The following DAZAP1 variants were observed in gnomAD, a reference collection of about 807,000 sequenced individuals.
DAZAP1 encodes the protein DAZ-associated protein 1.
Under a neutral mutation model 60.1 loss-of-function variants are expected in DAZAP1, and 6 were observed. The ratio of observed to expected loss-of-function variants is 0.10; its 90% CI spans 0.05 to 0.20. DAZAP1 has a LOEUF of 0.20. Ranked by LOEUF, DAZAP1 falls within the 10% of genes least tolerant of loss-of-function variation. DAZAP1 has a pLI of 1.00. For synonymous variants in DAZAP1, 235 were observed against 215.9 expected (o/e 1.09, Z -0.78); for missense variants, 366 against 560.4 (o/e 0.65, Z 3.50).
In DAZAP1 at chr19:1,418,524, A is replaced by G. The variant is rs2083053891; in HGVS notation, c.238-142A>G. The G allele has an allele frequency of 7.0e-7, 1 of 1,422,664 alleles. No individual in the cohort carries two copies. Among genetic ancestry groups the G allele is most frequent in the Non-Finnish European group, 9.9e-7 (1 of 1,013,922 alleles). The allele number at this position is 1,422,664 out of a possible 1,614,324, so 88.1% of individuals were successfully genotyped here. On this transcript the variant is annotated intron_variant, in intron 3 of 11. Transcript: ENST00000233078. This position sits in a 1 kb window ranked among gnomAD's most constrained non-coding sequence, Gnocchi z 5.7. The stretch of plus-strand genomic sequence containing the variant: ...TTAAGCCTTGGTGCTGAGGCTGGAT[A>G]TTGCAGGAGGATACAGGGTGAATGG...
intron 2 of DAZAP1, among the ~76,000 whole-genome samples, chr19:1,417,846 C>T (rs1320175136): frequency 6.6e-6 from 1 of 152,186 alleles, no homozygotes; most frequent in East Asian, 1.9e-4. Flanking sequence ...CAGGCTGTTA[C>T]TGAGTTCAGA....
rs1358195038 is a variant in DAZAP1, at chr19:1,426,052, A to G, written c.546+92A>G. 1.2e-5 allele frequency: 12 copies of G among 986,544 alleles called. No homozygotes were observed. The highest frequency in any genetic ancestry group is 1.7e-5 in the Admixed American group (1 of 58,820). 61.1% of individuals were successfully genotyped at this position (986,544 alleles called of 1,614,324 possible). ...TGGAAAGGAACATTCCTTCACGGAA[A>G]GGGTCGGGCGAGTTCGTCCTGTGAA... is the stretch of plus-strand genomic sequence containing the variant. On this transcript the variant is annotated intron_variant, in intron 7 of 11. Coordinates refer to ENST00000233078, the MANE Select transcript of DAZAP1 (RefSeq NM_018959.4). This position sits in a 1 kb window ranked among gnomAD's most constrained non-coding sequence, Gnocchi z 5.4.
In DAZAP1 at chr19:1,433,809, G is replaced by C; in HGVS notation, c.1049-928G>C. The C allele has an allele frequency of 6.2e-7, 1 of 1,613,966 alleles. No individual in the cohort carries two copies. The highest frequency in any genetic ancestry group is 8.5e-7 in the Non-Finnish European group (1 of 1,179,872). Reference sequence around the variant, plus strand: ...TTGTTTACAGTCTTATGGTCAGGCTGAGCAGTGATGTGGCCTAGGTAGGTG... The same window carrying C: ...TTGTTTACAGTCTTATGGTCAGGCTCAGCAGTGATGTGGCCTAGGTAGGTG... On this transcript the variant is annotated intron_variant, in intron 11 of 11. Coordinates refer to ENST00000233078, the MANE Select transcript of DAZAP1 (RefSeq NM_018959.4). This position sits in a 1 kb window ranked among gnomAD's most constrained non-coding sequence, Gnocchi z 6.1.
Position 1,407,654 on chromosome 19 carries a change from C to CCGT in DAZAP1, c.-118_-117insTCG, listed in dbSNP as rs1355574017. On this transcript the variant is annotated 5_prime_UTR_variant, in exon 1 of 12. Coordinates refer to ENST00000233078, the MANE Select transcript of DAZAP1 (RefSeq NM_018959.4). ...GCCGCCGCCGCCGCCGCCGCCGCCGCCGCCGCCGTTGCGCAGATCCGGGCC... is the reference window on the plus strand; with the variant it reads ...GCCGCCGCCGCCGCCGCCGCCGCCGCCGTCGCCGCCGTTGCGCAGATCCGGGCC... The CCGT allele has an allele frequency of 1.0e-6, 1 of 964,378 alleles. No homozygotes were observed. Among genetic ancestry groups the CCGT allele is most frequent in the African/African-American group, 1.8e-5 (1 of 55,776 alleles). 59.7% of individuals were successfully genotyped at this position (964,378 alleles called of 1,614,324 possible).
chr19:1,418,295 G>A lies in DAZAP1; in HGVS notation c.162G>A (p.Gly54=). 6.2e-7 allele frequency: 1 copy of A among 1,614,196 alleles called. No homozygotes were observed. Among genetic ancestry groups the A allele is most frequent in the Non-Finnish European group, 8.5e-7 (1 of 1,180,046 alleles). The stretch of plus-strand genomic sequence containing the variant: ...CCACCAACCAGTCTCGAGGCTTTGG[G>A]TTTGTCAAATTTAAAGACCCAAACT... The part of the protein sequence containing the change: ...DKTTNQSRGF[G]FVKFKDPNCV... The change falls in exon 3 of 12, where the codon GGG becomes GGA. Residue 54 remains glycine, a synonymous_variant. Coordinates refer to ENST00000233078, the MANE Select transcript of DAZAP1 (RefSeq NM_018959.4). This position sits in a 1 kb window ranked among gnomAD's most constrained non-coding sequence, Gnocchi z 5.7.
chr19:1,430,029 C>T, intron 9 of DAZAP1, 33 bp downstream of exon 9: 1 of 1,576,214 alleles, frequency 6.3e-7, no homozygotes, highest in Non-Finnish European at 8.6e-7. Flanking sequence ...AAGGCGGGGA[C>T]AGAAGCCACA....
In DAZAP1 at chr19:1,430,328, C is replaced by G; in HGVS notation, c.837C>G (p.Gly279=). 6.5e-7 allele frequency: 1 copy of G among 1,544,168 alleles called. No homozygotes were observed. Among genetic ancestry groups the G allele is most frequent in the Non-Finnish European group, 8.7e-7 (1 of 1,146,742 alleles). ...CTGGAGGCTTTCCCCCTCCCCAGGG[C>G]TTCCCTCAGGGCTACGGTGCCCCGC... The part of the protein sequence containing the change: ...TPPGGFPPPQ[G]FPQGYGAPPQ... The change falls in exon 10 of 12, where the codon GGC becomes GGG. Residue 279 remains glycine, a synonymous_variant. Coordinates refer to ENST00000233078, the MANE Select transcript of DAZAP1 (RefSeq NM_018959.4).
rs1248529440 is a variant in DAZAP1, at chr19:1,426,814, C to G, written c.546+854C>G. The stretch of plus-strand genomic sequence containing the variant: ...CTGCTGGCTCTGCCAGGCCGCCTCA[C>G]ATGCCCAGTGGGATTCTGACCCGGC... On this transcript the variant is annotated intron_variant, in intron 7 of 11. Transcript: ENST00000233078. This position sits in a 1 kb window ranked among gnomAD's most constrained non-coding sequence, Gnocchi z 5.4. 1 of 152,230 alleles carries G rather than the reference C, an allele frequency of 6.6e-6. No individual in the cohort carries two copies. Among genetic ancestry groups the G allele is most frequent in the African/African-American group, 2.4e-5 (1 of 41,462 alleles). 9.4% of individuals were successfully genotyped at this position (152,230 alleles called of 1,614,324 possible). A position where few individuals can be genotyped will look rare whatever the true frequency, so the allele number is the denominator to read the frequency against.
In DAZAP1 at chr19:1,433,927, G is replaced by T; in HGVS notation, c.1049-810G>T. On this transcript the variant is annotated intron_variant, in intron 11 of 11. Transcript: ENST00000233078. This position sits in a 1 kb window ranked among gnomAD's most constrained non-coding sequence, Gnocchi z 6.1. ...CCGGGCGGGGGTGGACGCTGGCGGT[G>T]CCCTCTGGGAAGGGGCCCTTGCCGG... The T allele has an allele frequency of 9.1e-7, 1 of 1,101,020 alleles. No individual in the cohort carries two copies. The highest frequency in any genetic ancestry group is 1.4e-6 in the Non-Finnish European group (1 of 735,454). 68.2% of individuals were successfully genotyped at this position (1,101,020 alleles called of 1,614,324 possible). A position where few individuals can be genotyped will look rare whatever the true frequency, so the allele number is the denominator to read the frequency against.
At chr19:1,409,323 G>A (rs1469952884) in intron 1 of DAZAP1, among the ~76,000 whole-genome samples, 2 of 152,190 alleles carry the variant, frequency 1.3e-5, no homozygotes, top group Non-Finnish European at 2.9e-5. Flanking sequence ...TCAAGCCGCG[G>A]GTGAACGTGG....
In DAZAP1 at chr19:1,432,968, G is replaced by A; in HGVS notation, c.1048+278G>A. 1 of 448,178 alleles carries A rather than the reference G, an allele frequency of 2.2e-6. No individual in the cohort carries two copies. The allele number at this position is 448,178 out of a possible 1,614,324, so 27.8% of individuals were successfully genotyped here. ...GGAACCTGAGTGGCGACTGGGTCGA[G>A]GGAAGTGAGTCGCAGGCAGCTGTGA... On this transcript the variant is annotated intron_variant, in intron 11 of 11. Coordinates refer to ENST00000233078, the MANE Select transcript of DAZAP1 (RefSeq NM_018959.4). This position sits in a 1 kb window ranked among gnomAD's most constrained non-coding sequence, Gnocchi z 4.9.
In DAZAP1 at chr19:1,428,755, A is replaced by T; in HGVS notation, c.547-87A>T. ...TCTTAAGTTGTAAGATGCTAAGTGT[A>T]GTCATAAGTTACCCGAGGGTGTGTC... On this transcript the variant is annotated intron_variant, in intron 7 of 11. Transcript: ENST00000233078. This position sits in a 1 kb window ranked among gnomAD's most constrained non-coding sequence, Gnocchi z 4.0. 6.8e-7 allele frequency: 1 copy of T among 1,476,858 alleles called. No individual in the cohort carries two copies. The highest frequency in any genetic ancestry group is 9.3e-7 in the Non-Finnish European group (1 of 1,073,394). The allele number at this position is 1,476,858 out of a possible 1,614,324, so 91.5% of individuals were successfully genotyped here.
chr19:1,428,668 A>C lies in DAZAP1; in HGVS notation c.547-174A>C. ...TTTTTTAAACAAAAAAATTCAACAC[A>C]AAAGAATTTTTTAAGAAAAAAATGC... On this transcript the variant is annotated intron_variant, in intron 7 of 11. Transcript: ENST00000233078. This position sits in a 1 kb window ranked among gnomAD's most constrained non-coding sequence, Gnocchi z 4.0. 1 of 831,806 alleles carries C rather than the reference A, an allele frequency of 1.2e-6. No homozygotes were observed. Among genetic ancestry groups the C allele is most frequent in the Non-Finnish European group, 1.8e-6 (1 of 549,876 alleles). 51.5% of individuals were successfully genotyped at this position (831,806 alleles called of 1,614,324 possible). A position where few individuals can be genotyped will look rare whatever the true frequency, so the allele number is the denominator to read the frequency against.
At chr19:1,429,777 G>C (rs2083396681) in intron 8 of DAZAP1, among the ~76,000 whole-genome samples, 190 bp from the exon 9 acceptor site, 1 of 152,312 alleles carries the variant, frequency 6.6e-6, no homozygotes, top group Middle Eastern at 3.4e-3. Context: ...TTTAAGGCCT[G>C]TTCTACAAGG....
chr19:1,430,360 T>A lies in DAZAP1; in HGVS notation c.869T>A (p.Phe290Tyr). 6.6e-7 allele frequency: 1 copy of A among 1,517,598 alleles called. No homozygotes were observed. The highest frequency in any genetic ancestry group is 8.8e-7 in the Non-Finnish European group (1 of 1,139,128). The allele number at this position is 1,517,598 out of a possible 1,614,324, so 94.0% of individuals were successfully genotyped here. Residue 290 changes from phenylalanine to tyrosine, a missense_variant and splice_region_variant, in exon 10 of 12, where the codon TTC becomes TAC. Transcript: ENST00000233078. ...FPQGYGAPPQFSFGYGPPPPP... is the reference protein window; with the variant it reads ...FPQGYGAPPQYSFGYGPPPPP... ...CAGGGCTACGGTGCCCCGCCACAGTTCAGTAAGTCTAGGGGGCCTTGTGGG... is the reference window on the plus strand; with the variant it reads ...CAGGGCTACGGTGCCCCGCCACAGTACAGTAAGTCTAGGGGGCCTTGTGGG...
rs1052404104 is a variant in DAZAP1, at chr19:1,433,567, C to T, written c.1048+877C>T. 3.3e-6 allele frequency: 2 copies of T among 598,266 alleles called. No homozygotes were observed. Among genetic ancestry groups the T allele is most frequent in the African/African-American group, 1.9e-5 (1 of 53,380 alleles). The allele number at this position is 598,266 out of a possible 1,614,324, so 37.1% of individuals were successfully genotyped here. A position where few individuals can be genotyped will look rare whatever the true frequency, so the allele number is the denominator to read the frequency against. On this transcript the variant is annotated intron_variant, in intron 11 of 11. Coordinates refer to ENST00000233078, the MANE Select transcript of DAZAP1 (RefSeq NM_018959.4). This position sits in a 1 kb window ranked among gnomAD's most constrained non-coding sequence, Gnocchi z 6.1. Reference sequence around the variant, plus strand: ...GGTTCCCCTGCCCCCACGCCCAGGCCTTGGGCCGAGGTTGCCGCATGTGTG... The same window carrying T: ...GGTTCCCCTGCCCCCACGCCCAGGCTTTGGGCCGAGGTTGCCGCATGTGTG...
In DAZAP1 at chr19:1,418,923, A is replaced by G. The variant is rs1237165814; in HGVS notation, c.303+192A>G. 6.6e-6 allele frequency among the ~76,000 whole-genome samples: 1 copy of G among 152,032 alleles called. No individual in the cohort carries two copies. The highest frequency in any genetic ancestry group is 2.4e-5 in the African/African-American group (1 of 41,374). ...GTGTTTTACAGCCAAGAAAATTCTT[A>G]CTAATCTATCTTAGGGAAAAAAAAA... On this transcript the variant is annotated intron_variant, in intron 4 of 11. Coordinates refer to ENST00000233078, the MANE Select transcript of DAZAP1 (RefSeq NM_018959.4). The surrounding 1 kb of genome is among the most constrained non-coding windows in gnomAD (Gnocchi z 5.7).
At chr19:1,421,382 G>C in intron 5 of DAZAP1, 124 bp downstream of exon 5, 1 of 793,422 alleles carries the variant, frequency 1.3e-6, no homozygotes, top group Non-Finnish European at 2.0e-6. Context: ...GGAGCTCGCT[G>C]TCTCGTATTT....
At chr19:1,417,286 C>T in intron 1 of DAZAP1, 1 of 621,744 alleles carries the variant, frequency 1.6e-6, no homozygotes, top group Non-Finnish European at 2.8e-6. Context: ...CGGTCCTCTC[C>T]CCATGGCAAG....
Sources: allele counts gnomAD v4.1 joint callset (sites outside exome capture counted in the v4.1 genomes callset), GRCh38; gene constraint gnomAD v4.1.1; non-coding constraint Gnocchi (gnomAD v3.1); transcripts MANE v1.5; gene names NCBI Gene and HGNC (gene_info 2026-07-23, HGNC 2026-07-21).